The following BTC variants were observed in gnomAD, a reference collection of about 807,000 sequenced individuals.
BTC encodes the protein probetacellulin.
A neutral mutation model predicts 18.1 loss-of-function variants in BTC; 13 were observed. The ratio of observed to expected loss-of-function variants is 0.72; its 90% CI spans 0.47 to 1.14. BTC has a LOEUF of 1.14. Ranked by LOEUF, BTC falls within the 50% of genes most tolerant of loss-of-function variation. The pLI, the probability that BTC is intolerant of heterozygous loss-of-function variation, is 0.00. For missense variants in BTC, 247 were observed against 224.2 expected, an observed-to-expected ratio of 1.10 and a Z score of -0.65; for synonymous variants, 83 against 79.4, an observed-to-expected ratio of 1.05 and a Z score of -0.24.
intron 1 of BTC, among the ~76,000 whole-genome samples, chr4:74,791,350 A>C (rs1396315459): frequency 2.2e-5 from 2 of 92,534 alleles, no homozygotes; most frequent in Non-Finnish European, 4.0e-5. Flanking sequence ...AAAAAAAGAA[A>C]AAAGAAAAAG....
intron 1 of BTC, among the ~76,000 whole-genome samples, chr4:74,793,866 C>A (rs948331243): frequency 6.6e-6 from 1 of 152,148 alleles, no homozygotes; most frequent in Non-Finnish European, 1.5e-5. Context: ...TAGTGGGTTT[C>A]CCTGCTCGCC....
chr4:74,774,734 A>C (rs552821996), intron 1 of BTC, among the ~76,000 whole-genome samples: 1 of 152,302 alleles, frequency 6.6e-6, no homozygotes, highest in Non-Finnish European at 1.5e-5. Flanking sequence ...CACGTAGGCA[A>C]CCAAAGGTCT....
At chr4:74,762,964 C>T (rs1553957460) in intron 2 of BTC, among the ~76,000 whole-genome samples, 1 of 152,070 alleles carries the variant, frequency 6.6e-6, no homozygotes, top group East Asian at 1.9e-4. Flanking sequence ...TGCTTTGTTT[C>T]TGTTTTCTAA....
chr4:74,767,593 TACAAAGG>T (rs1278966526), intron 2 of BTC, among the ~76,000 whole-genome samples: 1 of 151,960 alleles, frequency 6.6e-6, no homozygotes, highest in African/African-American at 2.4e-5. Flanking sequence ...CAAAGGAAAC[TACAAAGG>T]ACCCTGGATA....
chr4:74,792,351 A>C (rs571358784), intron 1 of BTC, among the ~76,000 whole-genome samples: 10 of 152,324 alleles, frequency 6.6e-5, no homozygotes, highest in Non-Finnish European at 1.5e-4. Flanking sequence ...AAGGGGAAAG[A>C]ATGTCCATCG....
rs56936798 is a variant in BTC at position 74,767,180 on chromosome 4, T to TACAC, written c.163+2874_163+2877dup. ...CCTATACATAAAAAATTCTAAAGACTACACACACACACACACACACACACA... is the reference window on the plus strand; with the variant it reads ...CCTATACATAAAAAATTCTAAAGACTACACACACACACACACACACACACACACA... On this transcript the variant is annotated intron_variant, in intron 2 of 5. Coordinates refer to ENST00000395743, the MANE Select transcript of BTC (RefSeq NM_001729.4). Among the ~76,000 whole-genome samples, 475 of 147,596 alleles carry TACAC rather than the reference T, an allele frequency of 3.2e-3. 3 individuals are homozygous for TACAC. Among genetic ancestry groups the TACAC allele is most frequent in the African/African-American group, 9.2e-3 (375 of 40,568 alleles).
rs1321554243 is a variant in BTC at position 74,772,553 on chromosome 4, GA to G, written c.65-2398del. On this transcript the variant is annotated intron_variant, in intron 1 of 5. Transcript: ENST00000395743. ...AAAATCCCAAGAGCAATTTCTACTG[GA>G]AAATAATAAAATATGTTTAATTCAT... 2.7e-5 allele frequency among the ~76,000 whole-genome samples: 4 copies of G among 150,618 alleles called. No individual in the cohort carries two copies. The East Asian group carries it at 7.9e-4, about 30-fold the overall frequency.
At chr4:74,768,308 T>C (rs890648835) in intron 2 of BTC, among the ~76,000 whole-genome samples, 4 of 152,180 alleles carry the variant, frequency 2.6e-5, no homozygotes, top group African/African-American at 9.6e-5. Context: ...TGTATGCCCA[T>C]GTTTACTGTA....
chr4:74,775,206 T>C (rs958418000), intron 1 of BTC, among the ~76,000 whole-genome samples: 3 of 152,126 alleles, frequency 2.0e-5, no homozygotes, highest in Non-Finnish European at 2.9e-5. Flanking sequence ...GCAGGTTCTA[T>C]TTTGGGGAAT....
chr4:74,774,094 A>G (rs1725117225), intron 1 of BTC, among the ~76,000 whole-genome samples: 2 of 152,238 alleles, frequency 1.3e-5, no homozygotes, highest in Admixed American at 1.3e-4. Flanking sequence ...TTTTACAAAA[A>G]CAAAAAAAGT....
chr4:74,790,684 C>A (rs1379899126), intron 1 of BTC, among the ~76,000 whole-genome samples: 2 of 152,176 alleles, frequency 1.3e-5, no homozygotes, highest in African/African-American at 4.8e-5. Context: ...AGGATAGAGT[C>A]AGACTAGAAT....
chr4:74,754,272 G>A (rs888909952), intron 3 of BTC, among the ~76,000 whole-genome samples: 1 of 152,200 alleles, frequency 6.6e-6, no homozygotes, highest in Non-Finnish European at 1.5e-5. Flanking sequence ...TCAAGCATCA[G>A]TCATTTCTTG....
chr4:74,772,034 GAAT>G (rs1725056924), intron 1 of BTC, among the ~76,000 whole-genome samples: 1 of 152,188 alleles, frequency 6.6e-6, no homozygotes, highest in Admixed American at 6.5e-5. Flanking sequence ...GCAGACCACA[GAAT>G]AATAATATAG....
intron 1 of BTC, among the ~76,000 whole-genome samples, chr4:74,777,569 A>G (rs1725209439): frequency 6.6e-6 from 1 of 152,172 alleles, no homozygotes; most frequent in Admixed American, 6.5e-5. Flanking sequence ...GTACTTAATG[A>G]GACAAAACTA....
At chr4:74,779,314 C>T (rs572462840) in intron 1 of BTC, among the ~76,000 whole-genome samples, 3 of 152,242 alleles carry the variant, frequency 2.0e-5, no homozygotes, top group Middle Eastern at 3.4e-3. Flanking sequence ...ACTGTCAACA[C>T]GACAATGTCT....
intron 1 of BTC, among the ~76,000 whole-genome samples, chr4:74,771,116 T>C (rs886151529): frequency 6.6e-6 from 1 of 152,026 alleles, no homozygotes; most frequent in Non-Finnish European, 1.5e-5. Flanking sequence ...TGTTGTCCTC[T>C]CTGGTTCGTA....
intron 4 of BTC, among the ~76,000 whole-genome samples, chr4:74,750,035 G>A (rs782289170): frequency 6.6e-6 from 1 of 151,762 alleles, no homozygotes; most frequent in Non-Finnish European, 1.5e-5. Context: ...ATTTGAGGCT[G>A]CAGTGAGCTA....
At chr4:74,788,158 T>C in intron 1 of BTC, among the ~76,000 whole-genome samples, 1 of 152,094 alleles carries the variant, frequency 6.6e-6, no homozygotes, top group East Asian at 1.9e-4. Flanking sequence ...ACTGTATCAA[T>C]AATTCAGGAT....
intron 1 of BTC, among the ~76,000 whole-genome samples, chr4:74,784,448 C>T (rs1432901050): frequency 2.0e-5 from 3 of 152,046 alleles, no homozygotes; most frequent in Non-Finnish European, 4.4e-5. Flanking sequence ...CTGGCCAGAA[C>T]ATTCAATACT....
Sources: allele counts gnomAD v4.1 joint callset (sites outside exome capture counted in the v4.1 genomes callset), GRCh38; gene constraint gnomAD v4.1.1; transcripts MANE v1.5; gene names NCBI Gene and HGNC (gene_info 2026-07-23, HGNC 2026-07-21).